The following RAF1 variants were observed in gnomAD, a reference collection of about 807,000 sequenced individuals.
RAF1 encodes Raf-1 proto-oncogene, serine/threonine kinase.
RAF1 carries 27 observed loss-of-function variants against 81.1 expected under a neutral mutation model. The ratio of observed to expected loss-of-function variants is 0.33; its 90% CI spans 0.25 to 0.46. The LOEUF is 0.46. Among genes scored for constraint, RAF1 ranks in the 20% least tolerant of loss-of-function variants. The pLI, the probability that RAF1 is intolerant of heterozygous loss-of-function variation, is 1.00. For synonymous variants in RAF1, 298 were observed against 294.0 expected, an observed-to-expected ratio of 1.01 and a Z score of -0.14; for missense variants, 598 against 826.0, an observed-to-expected ratio of 0.72 and a Z score of 3.38.
At chr3:12,621,289 C>G (rs1298317339) in intron 1 of RAF1, among the ~76,000 whole-genome samples, 1 of 152,248 alleles carries the variant, frequency 6.6e-6, no homozygotes, top group Admixed American at 6.6e-5. Flanking sequence ...CTTACCTTCC[C>G]ATATATAACA....
chr3:12,614,428 G>GTGTGTA (rs1553615839), intron 2 of RAF1, among the ~76,000 whole-genome samples: 8 of 151,074 alleles, frequency 5.3e-5, no homozygotes, highest in African/African-American at 1.9e-4. Context: ...GTGTGTGTGT[G>GTGTGTA]TAAAATCTAT....
At chr3:12,601,710 G>A (rs2058868337) in intron 8 of RAF1, among the ~76,000 whole-genome samples, 1 of 152,034 alleles carries the variant, frequency 6.6e-6, no homozygotes. Flanking sequence ...AAACCAAGCT[G>A]TTCCCCTGCT....
intron 1 of RAF1, among the ~76,000 whole-genome samples, chr3:12,659,447 T>G (rs1162768049): frequency 6.0e-5 from 2 of 33,182 alleles, no homozygotes; most frequent in South Asian, 1.6e-3. Context: ...AAAAAAAAAT[T>G]ACACGCAAGA....
chr3:12,609,463 TTTAA>T (rs2059144381), intron 3 of RAF1, 128 bp from the exon 4 acceptor site: 4 of 685,608 alleles, frequency 5.8e-6, no homozygotes, highest in Non-Finnish European at 1.0e-5. Flanking sequence ...CAATAATTTA[TTTAA>T]TTCATACAAC....
chr3:12,648,944 GTC>G (rs2060437297), intron 1 of RAF1, among the ~76,000 whole-genome samples: 1 of 152,110 alleles, frequency 6.6e-6, no homozygotes, highest in African/African-American at 2.4e-5. Context: ...GAGAAACCCA[GTC>G]TCTACTAAAA....
chr3:12,627,146 T>C (rs1021054538), intron 1 of RAF1, among the ~76,000 whole-genome samples: 1 of 152,198 alleles, frequency 6.6e-6, no homozygotes, highest in Non-Finnish European at 1.5e-5. Context: ...TGGGAACTTG[T>C]ATTCTATAGG....
rs1472040007 is a variant in RAF1 at position 12,606,207 on chromosome 3, G to A, written c.674C>T (p.Pro225Leu). Residue 225 changes from proline (P) to leucine (L), a missense_variant, in exon 6 of 18, where the codon CCT (proline) becomes CTT (leucine). Transcript: ENST00000442415. ...GCTATAGGTAAAAAATTACCTAACA[G>A]GCATCCTGGAAACAGACTCTCGCAT... 1 of 1,612,732 alleles carries A rather than the reference G, an allele frequency of 6.2e-7. No individual in the cohort carries two copies. The highest frequency in any genetic ancestry group is 8.5e-7 in the Non-Finnish European group (1 of 1,178,804).
chr3:12,638,978 A>C (rs1428909911), intron 1 of RAF1, among the ~76,000 whole-genome samples: 1 of 151,844 alleles, frequency 6.6e-6, no homozygotes, highest in Non-Finnish European at 1.5e-5. Flanking sequence ...ATGTTGAACC[A>C]GCCTTGCATC....
At chr3:12,588,484 A>G (rs1470210505) in intron 13 of RAF1, 2 of 152,194 alleles carry the variant, frequency 1.3e-5, no homozygotes, top group East Asian at 1.9e-4. Flanking sequence ...CTTAGGCTAC[A>G]AAACTGTATG....
At chr3:12,644,211 T>C (rs568478200) in intron 1 of RAF1, among the ~76,000 whole-genome samples, 66 of 152,208 alleles carry the variant, frequency 4.3e-4, no homozygotes, top group Non-Finnish European at 9.0e-4. Context: ...ATTAAAAACT[T>C]ACTACCTGTA....
In RAF1 at chr3:12,584,371, A is replaced by T; in HGVS notation, c.*143T>A. 2 of 1,024,424 alleles carry T rather than the reference A, an allele frequency of 2.0e-6. No individual in the cohort carries two copies. Among genetic ancestry groups the T allele is most frequent in the Non-Finnish European group, 2.9e-6 (2 of 684,866 alleles). The allele number at this position is 1,024,424 out of a possible 1,614,324, so 63.5% of individuals were successfully genotyped here. A position where few individuals can be genotyped will look rare whatever the true frequency, so the allele number is the denominator to read the frequency against. On this transcript the variant is annotated 3_prime_UTR_variant, in exon 18 of 18. Transcript: ENST00000442415. Reference sequence around the variant, plus strand: ...ATAGAAAAGAAGGCAACATGAAGTTAAGGCCCTGTGAGCAGTCTAGAAGGT... The same window carrying T: ...ATAGAAAAGAAGGCAACATGAAGTTTAGGCCCTGTGAGCAGTCTAGAAGGT...
chr3:12,633,551 A>C lies in RAF1; in HGVS notation c.-26-14804T>G, dbSNP rs906678569. ...AATCCACAATGAAAGAACTTGAACT[A>C]TCAGATTAAAATAGCCTATCGAATG... On this transcript the variant is annotated intron_variant, in intron 1 of 17. Transcript: ENST00000442415. Among the ~76,000 whole-genome samples the C allele has an allele frequency of 2.0e-5, 3 of 151,658 alleles. No homozygotes were observed. In the East Asian group the frequency reaches 5.8e-4, roughly 29 times the overall value.
rs1349440863 is a variant in RAF1, at chr3:12,584,617, T to C, written c.1904A>G (p.Lys635Arg). The C allele has an allele frequency of 6.2e-7, 1 of 1,613,940 alleles. No homozygotes were observed. Among genetic ancestry groups the C allele is most frequent in the Non-Finnish European group, 8.5e-7 (1 of 1,179,958 alleles). The stretch of plus-strand genomic sequence containing the variant: ...TGGCTCGGAAGCGCTCCGGTTGATC[T>C]TCGGTAGAGAGTGTTGGAGCAGCTC... The change falls in exon 18 of 18, where the codon AAG becomes AGG. Residue 635 changes from lysine to arginine, a missense_variant. Lys to Arg is a conservative substitution (Grantham distance 26). This residue lies in a region of RAF1 where 147 missense variants were observed against 196.1 expected (regional missense o/e 0.75). Transcript: ENST00000442415.
intron 1 of RAF1, among the ~76,000 whole-genome samples, chr3:12,642,225 T>G (rs189581651): frequency 4.4e-4 from 65 of 148,562 alleles, no homozygotes; most frequent in African/African-American, 1.5e-3. Context: ...CTGAAGCGGG[T>G]GGATCATGAG....
At chr3:12,597,385 C>T (rs1271912595) in intron 11 of RAF1, among the ~76,000 whole-genome samples, 1 of 152,106 alleles carries the variant, frequency 6.6e-6, no homozygotes, top group Non-Finnish European at 1.5e-5. Context: ...AAGTGCGCAA[C>T]CAGAGGAAAA....
In RAF1 at chr3:12,583,626, T is replaced by C. The variant is rs951214810; in HGVS notation, c.*888A>G. The C allele has an allele frequency of 4.3e-5, 10 of 232,240 alleles. No homozygotes were observed. Among genetic ancestry groups the C allele is most frequent in the Non-Finnish European group, 5.1e-5 (6 of 117,516 alleles). 14.4% of individuals were successfully genotyped at this position (232,240 alleles called of 1,614,324 possible). On this transcript the variant is annotated 3_prime_UTR_variant, in exon 18 of 18. Coordinates refer to ENST00000442415, the MANE Select transcript of RAF1 (RefSeq NM_001354689.3). ...TTACACCTAAATTTAATTTATTTTATTAAAATAACATAATTGAGGGACCAT... is the reference window on the plus strand; with the variant it reads ...TTACACCTAAATTTAATTTATTTTACTAAAATAACATAATTGAGGGACCAT...
At chr3:12,629,883 A>G (rs1336466473) in intron 1 of RAF1, among the ~76,000 whole-genome samples, 1 of 152,192 alleles carries the variant, frequency 6.6e-6, no homozygotes, top group African/African-American at 2.4e-5. Context: ...GCCACGTTCA[A>G]GCAATCCTCC....
At chr3:12,643,850 T>C (rs996702544) in intron 1 of RAF1, among the ~76,000 whole-genome samples, 6 of 152,202 alleles carry the variant, frequency 3.9e-5, no homozygotes, top group African/African-American at 1.2e-4. Context: ...TAATTTATTC[T>C]GATGCTCATA....
intron 2 of RAF1, 33 bp from the exon 3 acceptor site, chr3:12,612,095 C>T (rs1469319567): frequency 1.3e-6 from 2 of 1,536,478 alleles, no homozygotes; most frequent in East Asian, 2.2e-5. Flanking sequence ...AGGACCAACA[C>T]AGGCTGCAGC....
Sources: allele counts gnomAD v4.1 joint callset (sites outside exome capture counted in the v4.1 genomes callset), GRCh38; gene constraint gnomAD v4.1.1; regional missense constraint gnomAD v4.1.1; transcripts MANE v1.5; gene names NCBI Gene and HGNC (gene_info 2026-07-23, HGNC 2026-07-21).